The following SETD2 variants were observed in gnomAD, a reference collection of about 807,000 sequenced individuals.
SETD2 encodes SET domain containing 2, histone lysine methyltransferase.
A neutral mutation model predicts 242.1 loss-of-function variants in SETD2; 31 were observed. That is an observed-to-expected ratio of 0.13 (90% CI 0.10 to 0.17). SETD2 has a LOEUF of 0.17. SETD2 is among the 10% of genes least tolerant of loss of function. The pLI is 1.00. For missense variants in SETD2, 2,481 were observed against 3,046.3 expected, an observed-to-expected ratio of 0.81 and a Z score of 4.37; for synonymous variants, 1,006 against 1,066.5, an observed-to-expected ratio of 0.94 and a Z score of 1.11.
In SETD2 at chr3:47,016,913, C is replaced by T; in HGVS notation, c.*180G>A. ...TGCCAACAGCTCACAACTAGGTAAT[C>T]ACTTGTAGATGGAGTTCATTTTTGT... On this transcript the variant is annotated 3_prime_UTR_variant, in exon 21 of 21. Coordinates refer to ENST00000409792, the MANE Select transcript of SETD2 (RefSeq NM_014159.7). The T allele has an allele frequency of 1.7e-6, 1 of 602,772 alleles. No homozygotes were observed. Among genetic ancestry groups the T allele is most frequent in the East Asian group, 2.8e-5 (1 of 35,988 alleles). 37.3% of individuals were successfully genotyped at this position (602,772 alleles called of 1,614,324 possible).
chr3:47,058,270 C>T (rs1030683264), intron 14 of SETD2, among the ~76,000 whole-genome samples: 1 of 151,552 alleles, frequency 6.6e-6, no homozygotes, highest in African/African-American at 2.4e-5. Flanking sequence ...TTGTGAAATA[C>T]CCATCTCTAC....
chr3:47,106,429 T>C (rs1004601823), intron 5 of SETD2, among the ~76,000 whole-genome samples: 1 of 129,454 alleles, frequency 7.7e-6, no homozygotes, highest in Non-Finnish European at 1.6e-5. Context: ...AAAAAAGTTA[T>C]TAACAGCTGG....
chr3:47,117,808 G>A (rs1355150664), intron 3 of SETD2, among the ~76,000 whole-genome samples: 1 of 152,214 alleles, frequency 6.6e-6, no homozygotes, highest in East Asian at 1.9e-4. Flanking sequence ...CCATGCCAGA[G>A]TGTGCAAAGC....
chr3:47,026,426 C>T (rs886784774), intron 18 of SETD2, among the ~76,000 whole-genome samples: 4 of 152,164 alleles, frequency 2.6e-5, no homozygotes, highest in East Asian at 1.9e-4. Flanking sequence ...ACCAGAAATA[C>T]CATTTGACCC....
chr3:47,031,175 T>C (rs1039083178), intron 18 of SETD2, among the ~76,000 whole-genome samples: 5 of 152,210 alleles, frequency 3.3e-5, no homozygotes, highest in African/African-American at 1.2e-4. Flanking sequence ...ACTATGATGC[T>C]ATATAGATGA....
intron 1 of SETD2, among the ~76,000 whole-genome samples, chr3:47,144,676 A>C (rs1368718412): frequency 1.3e-5 from 2 of 151,952 alleles, no homozygotes; most frequent in Non-Finnish European, 2.9e-5. Flanking sequence ...AAGTCCAGAA[A>C]AAGAAATAAG....
At chr3:47,147,738 A>T (rs1161003650) in intron 1 of SETD2, among the ~76,000 whole-genome samples, 1 of 151,632 alleles carries the variant, frequency 6.6e-6, no homozygotes, top group Middle Eastern at 3.2e-3. Flanking sequence ...TGGCTAACAC[A>T]GTGAAACCCT....
At chr3:47,103,958 T>C (rs1218803175) in intron 6 of SETD2, among the ~76,000 whole-genome samples, 2 of 152,222 alleles carry the variant, frequency 1.3e-5, no homozygotes, top group South Asian at 2.1e-4. Context: ...TCTCACTGCA[T>C]GGTATAATAC....
intron 2 of SETD2, 126 bp from the exon 3 acceptor site, chr3:47,124,674 C>T: frequency 2.5e-6 from 2 of 794,976 alleles, no homozygotes; most frequent in South Asian, 2.0e-5. Flanking sequence ...ATGAATTTCA[C>T]TAAGCTATAT....
At chr3:47,080,364 C>T (rs2041269623) in intron 12 of SETD2, among the ~76,000 whole-genome samples, 1 of 151,980 alleles carries the variant, frequency 6.6e-6, no homozygotes, top group Non-Finnish European at 1.5e-5. Context: ...AATGCACATC[C>T]TATAATCTAA....
At chr3:47,067,026 A>T (rs1487144344) in intron 13 of SETD2, 44 bp downstream of exon 13, 1 of 1,469,906 alleles carries the variant, frequency 6.8e-7, no homozygotes, top group Admixed American at 1.7e-5. Context: ...ATAACAAAAG[A>T]ATATTTGTAA....
intron 12 of SETD2, among the ~76,000 whole-genome samples, chr3:47,076,228 G>C (rs1313823805): frequency 6.6e-6 from 1 of 152,210 alleles, no homozygotes; most frequent in East Asian, 1.9e-4. Context: ...TTTCAGGAAT[G>C]AATGTATGTG....
At chr3:47,128,583 T>C (rs1225559036) in intron 1 of SETD2, among the ~76,000 whole-genome samples, 1 of 152,050 alleles carries the variant, frequency 6.6e-6, no homozygotes, top group African/African-American at 2.4e-5. Context: ...AACCAAGTAA[T>C]GACAGGGGGA....
Position 47,048,323 on chromosome 3 carries a change from A to C in SETD2, c.6964-1702T>G, listed in dbSNP as rs534950451. On this transcript the variant is annotated intron_variant, in intron 15 of 20. Transcript: ENST00000409792. ...AGAATCGCTTGAACCCAGGAGGTAG[A>C]GGTTGCAGTGAACCGAGATGGCACC... 5.3e-5 allele frequency among the ~76,000 whole-genome samples: 8 copies of C among 152,318 alleles called. No homozygotes were observed. In the South Asian group the frequency reaches 1.7e-3, roughly 32 times the overall value.
chr3:47,087,786 GT>G (rs1397611820), intron 10 of SETD2, among the ~76,000 whole-genome samples: 1 of 152,032 alleles, frequency 6.6e-6, no homozygotes, highest in African/African-American at 2.4e-5. Flanking sequence ...GGCCAACATG[GT>G]GAAACCCCAT....
chr3:47,049,733 T>TTA (rs2039721577), intron 15 of SETD2, among the ~76,000 whole-genome samples: 3 of 146,188 alleles, frequency 2.1e-5, no homozygotes, highest in Non-Finnish European at 3.0e-5. Flanking sequence ...TATTCTGAGT[T>TTA]TATATTATAT....
intron 9 of SETD2, among the ~76,000 whole-genome samples, chr3:47,091,581 G>A (rs535327901): frequency 4.6e-5 from 7 of 152,096 alleles, no homozygotes; most frequent in Non-Finnish European, 7.3e-5. Flanking sequence ...TGGCCAACAC[G>A]GTGAAACCCA....
chr3:47,078,077 CAGTA>C (rs1449894207), intron 12 of SETD2, among the ~76,000 whole-genome samples: 1 of 152,146 alleles, frequency 6.6e-6, no homozygotes, highest in Non-Finnish European at 1.5e-5. Flanking sequence ...GCAACCACCA[CAGTA>C]AGTAATTCAA....
At chr3:47,162,921 C>A (rs575963710) in intron 1 of SETD2, among the ~76,000 whole-genome samples, 1 of 152,298 alleles carries the variant, frequency 6.6e-6, no homozygotes, top group South Asian at 2.1e-4. Context: ...GTGTCCTAGA[C>A]TGAAAAATTA....
Sources: gnomAD v4.1 joint callset for allele counts (sites outside exome capture counted in the v4.1 genomes callset) on GRCh38, gnomAD v4.1.1 for gene constraint, MANE v1.5 for transcripts, NCBI Gene and HGNC (gene_info 2026-07-23, HGNC 2026-07-21) for gene names.